Variants in ME3 observed in about 807,000 individuals in gnomAD.
ME3 encodes NADP-dependent malic enzyme, mitochondrial.
A neutral mutation model predicts 68.9 loss-of-function variants in ME3; 48 were observed. The ratio of observed to expected loss-of-function variants is 0.70; its 90% confidence interval spans 0.55 to 0.89. The LOEUF is 0.89. Among genes scored for constraint, ME3 ranks in the 40% least tolerant of loss-of-function variants. ME3 has a pLI of 0.00. For synonymous variants in ME3, 320 were observed against 318.8 expected, an observed-to-expected ratio of 1.00 and a Z score of -0.04; for missense variants, 675 against 797.4, an observed-to-expected ratio of 0.85 and a Z score of 1.85.
At chr11:86,506,421 T>TC (rs954368348) in intron 5 of ME3, among the ~76,000 whole-genome samples, 1 of 152,118 alleles carries the variant, frequency 6.6e-6, no homozygotes, top group Non-Finnish European at 1.5e-5. Flanking sequence ...GAGGGCAGAG[T>TC]CCATGTTTTT....
chr11:86,554,638 G>C (rs1248094892), intron 4 of ME3, among the ~76,000 whole-genome samples: 1 of 152,168 alleles, frequency 6.6e-6, no homozygotes, highest in Admixed American at 6.5e-5. Flanking sequence ...GATTGAGTTA[G>C]GTAGTATTGT....
rs566967410 is a variant in ME3, at chr11:86,470,755, C to T, written c.810-5555G>A. Among the ~76,000 whole-genome samples, 24 of 152,258 alleles carry T rather than the reference C, an allele frequency of 1.6e-4. No individual in the cohort carries two copies. In the South Asian group the frequency reaches 5.0e-3, roughly 32 times the overall value. On this transcript the variant is annotated intron_variant, in intron 7 of 14. Coordinates refer to ENST00000543262, the Ensembl canonical transcript of ME3. ...TGGATTCAGGGCGAGGCCATCTCTCCCCAGGATTACTGCCATTGCTGCTTC... is the reference window on the plus strand; with the variant it reads ...TGGATTCAGGGCGAGGCCATCTCTCTCCAGGATTACTGCCATTGCTGCTTC...
At chr11:86,566,497 A>G (rs1957485940) in intron 2 of ME3, among the ~76,000 whole-genome samples, 1 of 152,208 alleles carries the variant, frequency 6.6e-6, no homozygotes, top group African/African-American at 2.4e-5. Context: ...TACTAACCAT[A>G]GGGAGATCCA....
intron 2 of ME3, among the ~76,000 whole-genome samples, chr11:86,657,527 G>T (rs11606042): frequency 0.052 from 7,850 of 151,960 alleles, 267 homozygotes; most frequent in Admixed American, 0.073. Context: ...GTAAATGATG[G>T]GTTGATGGGT....
chr11:86,491,975 A>T (rs1952037136), intron 6 of ME3, among the ~76,000 whole-genome samples: 1 of 152,194 alleles, frequency 6.6e-6, no homozygotes, highest in Non-Finnish European at 1.5e-5. Flanking sequence ...TCAAGTTTGG[A>T]GGCAACGTGC....
chr11:86,596,428 T>C (rs1330417493), intron 2 of ME3, among the ~76,000 whole-genome samples: 3 of 152,212 alleles, frequency 2.0e-5, no homozygotes, highest in Non-Finnish European at 4.4e-5. Context: ...CTTCCTCTAT[T>C]TTCAAAGTAC....
rs1201892920 is a variant in ME3 at position 86,560,742 on chromosome 11, G to GTATATATA, written c.184-920_184-919insTATATATA. Among the ~76,000 whole-genome samples, 216 of 58,248 alleles carry GTATATATA rather than the reference G, an allele frequency of 3.7e-3. 4 individuals are homozygous for GTATATATA. The highest frequency in any genetic ancestry group is 8.8e-3 in the Middle Eastern group (1 of 114). 38.2% of individuals were successfully genotyped at this position (58,248 alleles called of 152,430 possible). The stretch of plus-strand genomic sequence containing the variant: ...TGTGTGTGTATGTGTGTGTGTGTGT[G>GTATATATA]TGTGTGTATATATATATATATATAT... On this transcript the variant is annotated intron_variant, in intron 2 of 14. Coordinates refer to ENST00000543262, the Ensembl canonical transcript of ME3.
chr11:86,535,123 A>G (rs866844343), intron 4 of ME3, among the ~76,000 whole-genome samples: 1 of 152,178 alleles, frequency 6.6e-6, no homozygotes. Flanking sequence ...CCAGCATTTT[A>G]CCTGTATTTG....
chr11:86,521,474 TTAAA>T (rs1347978530), intron 4 of ME3, among the ~76,000 whole-genome samples: 1 of 141,088 alleles, frequency 7.1e-6, no homozygotes, highest in Non-Finnish European at 1.6e-5. Flanking sequence ...GCTGTAATCA[TTAAA>T]TCTATCTCAC....
intron 2 of ME3, among the ~76,000 whole-genome samples, chr11:86,606,748 G>C (rs1439719317): frequency 6.6e-6 from 1 of 152,142 alleles, no homozygotes; most frequent in East Asian, 1.9e-4. Flanking sequence ...GGAGGGATGT[G>C]GTGTCTTTGG....
rs1594620454 is a variant in ME3 at position 86,601,620 on chromosome 11, T to A, written c.184-41797A>T. 2.8e-4 allele frequency among the ~76,000 whole-genome samples: 43 copies of A among 152,162 alleles called. No individual in the cohort carries two copies. The South Asian group carries it at 8.8e-3, about 31-fold the overall frequency. Reference sequence around the variant, plus strand: ...TCATTTTATGAGGCCAGCATCATCCTGATACCAAAGCCGGGCAGAGACACA... The same window carrying A: ...TCATTTTATGAGGCCAGCATCATCCAGATACCAAAGCCGGGCAGAGACACA... On this transcript the variant is annotated intron_variant, in intron 2 of 14. Coordinates refer to ENST00000543262, the Ensembl canonical transcript of ME3.
At position 86,658,248 on chromosome 11, in the gene ME3, C is replaced by T. The variant is rs145179608; in HGVS notation, c.183+13514G>A. ...AAGCATTTGTCCTGCCTCAGCCACC[C>T]GAGTAGATAGGATTACAGGCATGCG... On this transcript the variant is annotated intron_variant, in intron 2 of 14. Coordinates refer to ENST00000543262, the Ensembl canonical transcript of ME3. Among the ~76,000 whole-genome samples, 1,338 of 151,978 alleles carry T rather than the reference C, an allele frequency of 8.8e-3. 27 individuals are homozygous for T. Among genetic ancestry groups the T allele is most frequent in the African/African-American group, 0.03 (1,248 of 41,428 alleles).
rs147061427 is a variant in ME3, at chr11:86,508,349, G to A, written c.543+443C>T. Among the ~76,000 whole-genome samples the A allele has an allele frequency of 5.8e-3, 886 of 152,282 alleles. 6 individuals are homozygous for A. Among genetic ancestry groups the A allele is most frequent in the Middle Eastern group, 0.02 (6 of 294 alleles). ...TCTCCTCAGGCTAAAAATCGTCATT[G>A]CCTCTAGAAGAACACCCTCAGTTCT... On this transcript the variant is annotated intron_variant, in intron 5 of 14. Coordinates refer to ENST00000543262, the Ensembl canonical transcript of ME3.
At chr11:86,604,620 A>G (rs1219413062) in intron 2 of ME3, among the ~76,000 whole-genome samples, 1 of 152,200 alleles carries the variant, frequency 6.6e-6, no homozygotes, top group Non-Finnish European at 1.5e-5. Flanking sequence ...ATAGCTTTAC[A>G]TAGGTTTATA....
chr11:86,636,260 TTTC>T (rs376138372), intron 2 of ME3, among the ~76,000 whole-genome samples: 147 of 114,698 alleles, frequency 1.3e-3, no homozygotes, highest in African/African-American at 3.6e-3. Context: ...CCAGTTTTTC[TTTC>T]TTTTTTTTTT....
intron 3 of ME3, among the ~76,000 whole-genome samples, chr11:86,558,846 C>T (rs1957059747): frequency 6.6e-6 from 1 of 152,168 alleles, no homozygotes; most frequent in African/African-American, 2.4e-5. Flanking sequence ...CCCTATGGTA[C>T]TCATCGTACC....
intron 4 of ME3, among the ~76,000 whole-genome samples, chr11:86,529,024 G>A (rs1338651080): frequency 6.6e-6 from 1 of 152,070 alleles, no homozygotes; most frequent in Non-Finnish European, 1.5e-5. Context: ...AACTGAAGGA[G>A]AGAGAGACAC....
intron 2 of ME3, among the ~76,000 whole-genome samples, chr11:86,607,458 T>G (rs1961856667): frequency 7.0e-6 from 1 of 143,094 alleles, no homozygotes; most frequent in African/African-American, 2.8e-5. Flanking sequence ...CATAGTTTTT[T>G]TTTTTTTTTT....
chr11:86,591,423 A>G (rs1959051386), intron 2 of ME3, among the ~76,000 whole-genome samples: 1 of 152,208 alleles, frequency 6.6e-6, no homozygotes, highest in South Asian at 2.1e-4. Flanking sequence ...CCCAAATCCA[A>G]TATGATGGGT....
Sources: gnomAD v4.1 joint callset for allele counts (sites outside exome capture counted in the v4.1 genomes callset) on GRCh38, gnomAD v4.1.1 for gene constraint, MANE v1.5 for transcripts, NCBI Gene and HGNC (gene_info 2026-07-23, HGNC 2026-07-21) for gene names.